The following DHX38 variants were observed in gnomAD, a reference collection of about 807,000 sequenced individuals.
DHX38 encodes the protein DEAH-box helicase 38.
DHX38 carries 100 observed loss-of-function variants against 153.1 expected under a neutral mutation model. The ratio of observed to expected loss-of-function variants is 0.65; its 90% confidence interval spans 0.56 to 0.77. DHX38 has a LOEUF of 0.77. Among genes scored for constraint, DHX38 ranks in the 30% least tolerant of loss-of-function variants. The pLI, the probability that DHX38 is intolerant of heterozygous loss-of-function variation, is 0.00. For synonymous variants in DHX38, 650 were observed against 631.7 expected (o/e 1.03, Z -0.43); for missense variants, 1,440 against 1,654.0 (o/e 0.87, Z 2.24).
At position 72,109,622 on chromosome 16, in the gene DHX38, CAT is replaced by C. The variant is rs998161251; in HGVS notation, c.3477+114_3477+115del. 4.0e-5 allele frequency: 40 copies of C among 997,046 alleles called. No individual in the cohort carries two copies. The African/African-American group carries it at 6.6e-4, about 16-fold the overall frequency. 61.8% of individuals were successfully genotyped at this position (997,046 alleles called of 1,614,324 possible). A position where few individuals can be genotyped will look rare whatever the true frequency, so the allele number is the denominator to read the frequency against. ...CAACCCACTTACTTCTCTCTGCAAACATAAAGGCTGTGATCCAGCAGGCTGGG... is the reference window on the plus strand; with the variant it reads ...CAACCCACTTACTTCTCTCTGCAAACAAAGGCTGTGATCCAGCAGGCTGGG... On this transcript the variant is annotated intron_variant, in intron 25 of 26. Coordinates refer to ENST00000268482, the MANE Select transcript of DHX38 (RefSeq NM_014003.4).
chr16:72,101,282 A>C (rs1345878218), intron 10 of DHX38, 89 bp downstream of exon 10: 1 of 1,418,688 alleles, frequency 7.0e-7, no homozygotes, highest in East Asian at 2.4e-5. Context: ...CCACAGATAG[A>C]AGTTAGGAGT....
chr16:72,111,308 G>C (rs2042252989), intron 26 of DHX38, among the ~76,000 whole-genome samples: 1 of 152,256 alleles, frequency 6.6e-6, no homozygotes. Flanking sequence ...AGGCAGCCTG[G>C]AGTAGCAGGA....
chr16:72,109,844 C>T, intron 25 of DHX38: 1 of 180,726 alleles, frequency 5.5e-6, no homozygotes, highest in Non-Finnish European at 1.1e-5. Flanking sequence ...TACCCCACTC[C>T]ACACACATCC....
At position 72,101,625 on chromosome 16, in the gene DHX38, A is replaced by AG. The variant is rs2042102981; in HGVS notation, c.1499+14dup. 1 of 1,548,458 alleles carries AG rather than the reference A, an allele frequency of 6.5e-7. No individual in the cohort carries two copies. The highest frequency in any genetic ancestry group is 1.4e-5 in the African/African-American group (1 of 73,102). On this transcript the variant is annotated intron_variant, in intron 11 of 26. Coordinates refer to ENST00000268482, the MANE Select transcript of DHX38 (RefSeq NM_014003.4). ...AGGTGGACTACAGGTGGGCAGCCTC[A>AG]GCCAGCAGCACATCAGCCTTGCTCC...
At chr16:72,101,302 C>A in intron 10 of DHX38, 109 bp downstream of exon 10, 1 of 1,317,268 alleles carries the variant, frequency 7.6e-7, no homozygotes, top group East Asian at 2.5e-5. Context: ...TCCCCTCTAT[C>A]AAGTCCTTAG....
Position 72,112,409 on chromosome 16 carries a change from C to T in DHX38, c.3600-4C>T, listed in dbSNP as rs1344305498. On this transcript the variant is annotated splice_polypyrimidine_tract_variant and splice_region_variant and intron_variant, in intron 26 of 26. Transcript: ENST00000268482. ...TTTCCTGATCTCTCCTGCTGTGTCTCCAGGTCTACGAAGATCTACACTCCA... is the reference window on the plus strand; with the variant it reads ...TTTCCTGATCTCTCCTGCTGTGTCTTCAGGTCTACGAAGATCTACACTCCA... The T allele has an allele frequency of 6.2e-7, 1 of 1,603,674 alleles. No homozygotes were observed.
Position 72,107,579 on chromosome 16 carries a change from T to C in DHX38, c.2809+31T>C. On this transcript the variant is annotated intron_variant, in intron 20 of 26. Coordinates refer to ENST00000268482, the MANE Select transcript of DHX38 (RefSeq NM_014003.4). This position sits in a 1 kb window ranked among gnomAD's most constrained non-coding sequence, Gnocchi z 5.3. ...GCGGCCCCGGGAGCCTCATGGGTGC[T>C]GGCGCTTGACTTCCTTCTTTCCTCT... 1 of 1,609,712 alleles carries C rather than the reference T, an allele frequency of 6.2e-7. No homozygotes were observed. The highest frequency in any genetic ancestry group is 8.5e-7 in the Non-Finnish European group (1 of 1,176,400).
intron 21 of DHX38, 52 bp from the exon 22 acceptor site, chr16:72,108,175 G>T (rs1342718885): frequency 6.2e-7 from 1 of 1,600,156 alleles, no homozygotes; most frequent in East Asian, 2.2e-5. Flanking sequence ...GATGTGCTCA[G>T]TGGGCCTGGA....
At position 72,112,695 on chromosome 16, in the gene DHX38, G is replaced by A. The variant is rs1481924412; in HGVS notation, c.*198G>A. Reference sequence around the variant, plus strand: ...CTTCCATGCAGGAGCACGGCATGGCGGGAGCGGGGCTGCAGAGTATCCGAG... The same window carrying A: ...CTTCCATGCAGGAGCACGGCATGGCAGGAGCGGGGCTGCAGAGTATCCGAG... On this transcript the variant is annotated 3_prime_UTR_variant, in exon 27 of 27. Coordinates refer to ENST00000268482, the MANE Select transcript of DHX38 (RefSeq NM_014003.4). 7 of 719,120 alleles carry A rather than the reference G, an allele frequency of 9.7e-6. No homozygotes were observed. Among genetic ancestry groups the A allele is most frequent in the East Asian group, 5.4e-5 (2 of 37,354 alleles). 44.5% of individuals were successfully genotyped at this position (719,120 alleles called of 1,614,324 possible).
At position 72,100,460 on chromosome 16, in the gene DHX38, C is replaced by T. The variant is rs963298654; in HGVS notation, c.1141C>T (p.Arg381Cys). The change falls in exon 9 of 27, where the codon CGC becomes TGC. Residue 381 changes from arginine to cysteine, a missense_variant. This residue lies in a region of DHX38 where 77 missense variants were observed against 125.4 expected (regional missense o/e 0.61). Transcript: ENST00000268482. ...NEDNERWETN[R>C]MLTSGVVHRL... ...GGATAACGAGCGCTGGGAGACAAAC[C>T]GCATGCTCACCAGTGGGGTGGTCCA... 5.6e-6 allele frequency: 9 copies of T among 1,614,072 alleles called. No homozygotes were observed. The highest frequency in any genetic ancestry group is 2.2e-5 in the South Asian group (2 of 91,084).
In DHX38 at chr16:72,112,431, T is replaced by C. The variant is rs1356153871; in HGVS notation, c.3618T>C (p.Thr1206=). Residue 1206 remains threonine (T), a synonymous_variant, in exon 27 of 27, where the codon ACT becomes ACC. Transcript: ENST00000268482. ...TCTCCAGGTCTACGAAGATCTACAC[T>C]CCAGGCCGGAAAGAGCAAGGGGAGC... ...LGSVRSTKIY[T]PGRKEQGEPM... 1 of 1,610,306 alleles carries C rather than the reference T, an allele frequency of 6.2e-7. No individual in the cohort carries two copies. The highest frequency in any genetic ancestry group is 8.5e-7 in the Non-Finnish European group (1 of 1,179,934).
In DHX38 at chr16:72,096,243, C is replaced by T; in HGVS notation, c.86C>T (p.Ser29Phe). Residue 29 changes from serine (S) to phenylalanine (F), a missense_variant, in exon 2 of 27, where the codon TCC becomes TTC. Transcript: ENST00000268482. ...CAGGTTGGTGGTCTTATTTGCAAGT[C>T]CAAAAGTGCGGCCAGCGAGCAGCAT... ...DCQVGGLICK[S>F]KSAASEQHVF... 6.2e-7 allele frequency: 1 copy of T among 1,614,148 alleles called. No homozygotes were observed. Among genetic ancestry groups the T allele is most frequent in the Non-Finnish European group, 8.5e-7 (1 of 1,180,034 alleles).
In DHX38 at chr16:72,104,277, T is replaced by G; in HGVS notation, c.2010+146T>G. 1 of 1,216,092 alleles carries G rather than the reference T, an allele frequency of 8.2e-7. No individual in the cohort carries two copies. The highest frequency in any genetic ancestry group is 1.5e-5 in the South Asian group (1 of 66,030). The allele number at this position is 1,216,092 out of a possible 1,614,324, so 75.3% of individuals were successfully genotyped here. A position where few individuals can be genotyped will look rare whatever the true frequency, so the allele number is the denominator to read the frequency against. On this transcript the variant is annotated intron_variant, in intron 14 of 26. Transcript: ENST00000268482. This position sits in a 1 kb window ranked among gnomAD's most constrained non-coding sequence, Gnocchi z 4.5. ...CTCTGGTTGCAGTTCAGACTCGGGT[T>G]GTAGTTCATGCTGTTCTTGCTCTGC...
chr16:72,105,161 G>A, intron 16 of DHX38, 24 bp downstream of exon 16: 2 of 1,614,024 alleles, frequency 1.2e-6, no homozygotes, highest in Non-Finnish European at 1.7e-6. Flanking sequence ...TCACGACTGT[G>A]ATGAGCGGGT....
chr16:72,097,561 C>T lies in DHX38; in HGVS notation c.512-116C>T, dbSNP rs11862496. On this transcript the variant is annotated intron_variant, in intron 3 of 26. Transcript: ENST00000268482. ...GTTTCAGGAGTCCACGGATCACATTCGAGCAGTGCAGGTTGCACCTGTGAG... is the reference window on the plus strand; with the variant it reads ...GTTTCAGGAGTCCACGGATCACATTTGAGCAGTGCAGGTTGCACCTGTGAG... The T allele has an allele frequency of 5.3e-4, 482 of 909,436 alleles. 3 individuals are homozygous for T. The African/African-American group carries it at 5.5e-3, about 10-fold the overall frequency. 56.3% of individuals were successfully genotyped at this position (909,436 alleles called of 1,614,324 possible).
At chr16:72,106,704 G>A (rs1361121303) in intron 19 of DHX38, among the ~76,000 whole-genome samples, 1 of 152,106 alleles carries the variant, frequency 6.6e-6, no homozygotes, top group East Asian at 1.9e-4. Context: ...TTCTGTCTTG[G>A]CCTCCCAAAC....
Position 72,104,625 on chromosome 16 carries a change from A to G in DHX38, c.2150A>G (p.Lys717Arg), listed in dbSNP as rs1316121408. 4 of 1,613,964 alleles carry G rather than the reference A, an allele frequency of 2.5e-6. No individual in the cohort carries two copies. Among genetic ancestry groups the G allele is most frequent in the Non-Finnish European group, 2.5e-6 (3 of 1,180,006 alleles). ...TTCCCTGTTGACATCCTCTTCAGCA[A>G]GGTATTGAGGCCACCATGTTACGAA... Reference protein sequence around the residue: ...RTFPVDILFSKTPQEDYVEAA... With the variant: ...RTFPVDILFSRTPQEDYVEAA... The change falls in exon 15 of 27, where the codon AAG becomes AGG. Residue 717 changes from lysine to arginine, a missense_variant and splice_region_variant. By Grantham distance (26) the Lys-to-Arg change is conservative. Coordinates refer to ENST00000268482, the MANE Select transcript of DHX38 (RefSeq NM_014003.4). The surrounding 1 kb of genome is among the most constrained non-coding windows in gnomAD (Gnocchi z 4.5).
chr16:72,097,402 T>C (rs1484287027), intron 3 of DHX38: 4 of 461,450 alleles, frequency 8.7e-6, no homozygotes, highest in Non-Finnish European at 1.6e-5. Context: ...GAATTGTAAC[T>C]ATTAAAAAAA....
At chr16:72,108,767 C>T in intron 23 of DHX38, 33 bp from the exon 24 acceptor site, 2 of 1,606,516 alleles carry the variant, frequency 1.2e-6, no homozygotes, top group Non-Finnish European at 1.7e-6. Flanking sequence ...TGTTGTTTTC[C>T]TGATGTGGCT....
Sources: gnomAD v4.1 joint callset for allele counts (sites outside exome capture counted in the v4.1 genomes callset) on GRCh38, gnomAD v4.1.1 for gene constraint, gnomAD v4.1.1 regional missense constraint, Gnocchi (gnomAD v3.1) non-coding constraint, MANE v1.5 for transcripts, NCBI Gene and HGNC (gene_info 2026-07-23, HGNC 2026-07-21) for gene names.